The following ACSF2 variants were observed in gnomAD, a reference collection of about 807,000 sequenced individuals.
ACSF2 encodes acyl-CoA synthetase family member 2.
A neutral mutation model predicts 79.3 loss-of-function variants in ACSF2; 52 were observed. The observed-to-expected ratio is 0.66, with a 90% CI of 0.53 to 0.83. ACSF2 has a LOEUF of 0.83. Among genes scored for constraint, ACSF2 ranks in the 40% least tolerant of loss-of-function variants. The pLI is 0.00. For synonymous variants in ACSF2, 283 were observed against 312.6 expected (o/e 0.91, Z 1.00); for missense variants, 661 against 803.3 (o/e 0.82, Z 2.14).
rs377675965 is a variant in ACSF2 at position 50,461,581 on chromosome 17, G to A, written c.454-52G>A. 2.2e-5 allele frequency: 36 copies of A among 1,612,688 alleles called. No homozygotes were observed. The Middle Eastern group carries it at 6.6e-4, about 30-fold the overall frequency. ...GCCTCCTGGGGGCGGAGGGGCAGCA[G>A]GAGGGACAGGGTCTGCCCAGAATAC... is the stretch of plus-strand genomic sequence containing the variant. On this transcript the variant is annotated intron_variant, in intron 3 of 15. Transcript: ENST00000300441.
chr17:50,472,301 C>T (rs2033157325), intron 11 of ACSF2, 127 bp from the exon 12 acceptor site: 2 of 1,138,308 alleles, frequency 1.8e-6, no homozygotes, highest in African/African-American at 1.6e-5. Flanking sequence ...TAAGCAGAGC[C>T]AGGGGGCCTC....
intron 1 of ACSF2, among the ~76,000 whole-genome samples, chr17:50,451,230 G>A (rs1423792546): frequency 6.6e-6 from 1 of 152,160 alleles, no homozygotes; most frequent in Non-Finnish European, 1.5e-5. Context: ...GAGCCACTGT[G>A]CCTGGCCCAA....
intron 10 of ACSF2, chr17:50,468,157 C>T: frequency 6.2e-7 from 1 of 1,614,160 alleles, no homozygotes; most frequent in Non-Finnish European, 8.5e-7. Context: ...CCTCCACCAC[C>T]CGTAGCTTGC....
At chr17:50,433,107 TTTTC>T (rs1186913344) in intron 1 of ACSF2, among the ~76,000 whole-genome samples, 4 of 109,312 alleles carry the variant, frequency 3.7e-5, no homozygotes, top group Non-Finnish European at 8.1e-5. Flanking sequence ...ATGTTTTTCT[TTTTC>T]TTTTTTTTTT....
At chr17:50,441,816 CTTTA>C (rs554743595) in intron 1 of ACSF2, among the ~76,000 whole-genome samples, 114 of 151,940 alleles carry the variant, frequency 7.5e-4, no homozygotes, top group Middle Eastern at 3.4e-3. Context: ...AATGTTGTGT[CTTTA>C]TTTATTTATT....
In ACSF2 at chr17:50,469,226, C is replaced by G. The variant is rs189020590; in HGVS notation, c.1216-1802C>G. 4.7e-3 allele frequency among the ~76,000 whole-genome samples: 709 copies of G among 152,374 alleles called. 5 individuals carry two copies. Among genetic ancestry groups the G allele is most frequent in the African/African-American group, 0.017 (694 of 41,580 alleles). ...CATCGGAGAGAGGGAGGCGTTCCCT[C>G]AACTTATTTGTTTGCTCAGGTTTGA... is the stretch of plus-strand genomic sequence containing the variant. On this transcript the variant is annotated intron_variant, in intron 10 of 15. Coordinates refer to ENST00000300441, the MANE Select transcript of ACSF2 (RefSeq NM_025149.6).
chr17:50,473,833 C>T lies in ACSF2; in HGVS notation c.1617+27C>T, dbSNP rs144639729. 9.4e-4 allele frequency: 1,521 copies of T among 1,613,490 alleles called. 21 individuals carry two copies. In the African/African-American group the frequency reaches 0.018, roughly 20 times the overall value. ...TGAGGCACTTGGCTCAGGTGAGCCC[C>T]CAGAAACAAGAAACACACATGAACA... On this transcript the variant is annotated intron_variant, in intron 13 of 15. Coordinates refer to ENST00000300441, the MANE Select transcript of ACSF2 (RefSeq NM_025149.6).
intron 1 of ACSF2, among the ~76,000 whole-genome samples, chr17:50,433,186 A>G (rs1463424634): frequency 6.7e-6 from 1 of 149,894 alleles, no homozygotes; most frequent in East Asian, 2.0e-4. Flanking sequence ...GGCTCACTGT[A>G]ACCTCCGCCT....
intron 2 of ACSF2, 144 bp from the exon 3 acceptor site, chr17:50,461,098 C>T (rs2032301421): frequency 2.2e-6 from 3 of 1,349,928 alleles, no homozygotes; most frequent in South Asian, 2.8e-5. Flanking sequence ...GGCCCCAGGG[C>T]AGACCCACTG....
intron 1 of ACSF2, among the ~76,000 whole-genome samples, chr17:50,454,154 G>T (rs1476827141): frequency 6.7e-6 from 1 of 148,966 alleles, no homozygotes; most frequent in Non-Finnish European, 1.5e-5. Flanking sequence ...GAGCGACAGA[G>T]TAAGACCGTC....
chr17:50,449,992 G>A (rs1298677783), intron 1 of ACSF2, among the ~76,000 whole-genome samples: 1 of 152,106 alleles, frequency 6.6e-6, no homozygotes, highest in African/African-American at 2.4e-5. Flanking sequence ...ATAAACGAGA[G>A]GGTCCGTTGC....
At position 50,464,393 on chromosome 17, in the gene ACSF2, G is replaced by T; in HGVS notation, c.1215+99G>T. ...GAGTCCAGGCCAGATGTTCAAAGGA[G>T]ACCCTCTCAGCCAGCCCTCCTTCCA... On this transcript the variant is annotated intron_variant, in intron 10 of 15. Transcript: ENST00000300441. 3.3e-6 allele frequency: 4 copies of T among 1,223,622 alleles called. No individual in the cohort carries two copies. The East Asian group carries it at 9.3e-5, about 28-fold the overall frequency. The allele number at this position is 1,223,622 out of a possible 1,614,324, so 75.8% of individuals were successfully genotyped here.
At position 50,471,080 on chromosome 17, in the gene ACSF2, AG is replaced by A; in HGVS notation, c.1270del (p.Asp424ThrfsTer22). 6.2e-7 allele frequency: 1 copy of A among 1,613,952 alleles called. No homozygotes were observed. The highest frequency in any genetic ancestry group is 8.5e-7 in the Non-Finnish European group (1 of 1,180,000). On this transcript the variant is annotated frameshift_variant, in exon 11 of 16. Transcript: ENST00000300441. LOFTEE classifies it high-confidence loss of function. The surrounding 1 kb of genome is among the most constrained non-coding windows in gnomAD (Gnocchi z 4.1). ...NSPVTFAHFPEDTVEQKAESV... is the reference protein window; with the variant it reads ...NSPVTFAHFPXDTVEQKAESV... Reference sequence around the variant, plus strand: ...CCCGTGACATTCGCGCACTTCCCTGAGGACACTGTGGAGCAGAAGGCAGAAA... The same window carrying A: ...CCCGTGACATTCGCGCACTTCCCTGAGACACTGTGGAGCAGAAGGCAGAAA...
chr17:50,449,150 G>A (rs982893587), intron 1 of ACSF2, among the ~76,000 whole-genome samples: 8 of 150,584 alleles, frequency 5.3e-5, no homozygotes, highest in African/African-American at 2.0e-4. Flanking sequence ...CCGAGTAGCC[G>A]GGACTACAGG....
Position 50,460,662 on chromosome 17 carries a change from C to A in ACSF2, c.129-15C>A. The A allele has an allele frequency of 1.8e-5, 29 of 1,603,420 alleles. No homozygotes were observed. The highest frequency in any genetic ancestry group is 2.5e-5 in the Non-Finnish European group (29 of 1,173,810). On this transcript the variant is annotated splice_polypyrimidine_tract_variant and intron_variant, in intron 1 of 15. Transcript: ENST00000300441. ...TGATCTGGGACAGTCAAACCCATAG[C>A]TCCTCTCCCTACAGTTCCAGAGAGG...
At chr17:50,445,817 A>AG (rs1240226886) in intron 1 of ACSF2, among the ~76,000 whole-genome samples, 85 of 151,606 alleles carry the variant, frequency 5.6e-4, no homozygotes, top group African/African-American at 1.9e-3. Context: ...AAAAAAAAAA[A>AG]AAAAATTGTA....
chr17:50,467,210 G>A (rs562460685), intron 10 of ACSF2, among the ~76,000 whole-genome samples: 2 of 152,248 alleles, frequency 1.3e-5, no homozygotes, highest in Admixed American at 6.5e-5. Flanking sequence ...AGGAATGAGT[G>A]AGGATGCAGA....
Position 50,471,129 on chromosome 17 carries a change from C to T in ACSF2, c.1317C>T (p.His439=), listed in dbSNP as rs916729691. Residue 439 remains histidine, a synonymous_variant, in exon 11 of 16, where the codon CAC becomes CAT. Coordinates refer to ENST00000300441, the MANE Select transcript of ACSF2 (RefSeq NM_025149.6). This position sits in a 1 kb window ranked among gnomAD's most constrained non-coding sequence, Gnocchi z 4.1. ...AAAGCGTGGGCAGAATTATGCCTCA[C>T]ACGGAGGTGAGCCCCTGACCAAGAC... is the stretch of plus-strand genomic sequence containing the variant. ...KAESVGRIMP[H]TEARIMNMEA... The T allele has an allele frequency of 1.2e-6, 2 of 1,613,838 alleles. No homozygotes were observed. The highest frequency in any genetic ancestry group is 2.2e-5 in the East Asian group (1 of 44,856).
Position 50,474,279 on chromosome 17 carries a change from G to A in ACSF2, c.1797+12G>A, listed in dbSNP as rs372843021. On this transcript the variant is annotated intron_variant, in intron 15 of 15. Coordinates refer to ENST00000300441, the MANE Select transcript of ACSF2 (RefSeq NM_025149.6). This position sits in a 1 kb window ranked among gnomAD's most constrained non-coding sequence, Gnocchi z 4.2. ...CCATTTCAGGAAAGGTGTGTAAGGT[G>A]GAGGAGGCTGGGGAGGGCAGCCTGG... 1 of 1,614,184 alleles carries A rather than the reference G, an allele frequency of 6.2e-7. No homozygotes were observed. Among genetic ancestry groups the A allele is most frequent in the African/African-American group, 1.3e-5 (1 of 75,070 alleles).
Sources: allele counts gnomAD v4.1 joint callset (sites outside exome capture counted in the v4.1 genomes callset), GRCh38; gene constraint gnomAD v4.1.1; non-coding constraint Gnocchi (gnomAD v3.1); transcripts MANE v1.5; gene names NCBI Gene and HGNC (gene_info 2026-07-23, HGNC 2026-07-21).